Variants in LIMD1 observed in about 807,000 individuals in gnomAD.
LIMD1 encodes LIM domain-containing protein 1.
LIMD1 carries 23 observed loss-of-function variants against 58.4 expected under a neutral mutation model. That is an observed-to-expected ratio of 0.39 (90% confidence interval 0.28 to 0.56). LIMD1 has a LOEUF of 0.56. Ranked by LOEUF, LIMD1 falls within the 20% of genes least tolerant of loss-of-function variation. The pLI is 0.57. For missense variants in LIMD1, 838 were observed against 855.5 expected (o/e 0.98, Z 0.25); for synonymous variants, 334 against 345.5 (o/e 0.97, Z 0.37).
chr3:45,598,865 T>C (rs1701381905), intron 1 of LIMD1, among the ~76,000 whole-genome samples: 2 of 152,230 alleles, frequency 1.3e-5, no homozygotes, highest in South Asian at 4.1e-4. Context: ...AGGCCTGGTC[T>C]GTGCTGGGCA....
rs754052875 is a variant in LIMD1 at position 45,613,627 on chromosome 3, G to T, written c.1408+17340G>T. Among the ~76,000 whole-genome samples the T allele has an allele frequency of 7.4e-4, 110 of 148,900 alleles. 1 individual carries two copies. The highest frequency in any genetic ancestry group is 1.1e-3 in the Non-Finnish European group (71 of 67,294). On this transcript the variant is annotated intron_variant, in intron 1 of 7. Transcript: ENST00000273317. Reference sequence around the variant, plus strand: ...TGGCTATTATGAATAAGTCTGTTAGGATTGTTTTTGTGTAAGACTTTGGGT... The same window carrying T: ...TGGCTATTATGAATAAGTCTGTTAGTATTGTTTTTGTGTAAGACTTTGGGT...
intron 1 of LIMD1, among the ~76,000 whole-genome samples, chr3:45,610,257 C>T (rs1701510772): frequency 6.6e-6 from 1 of 152,198 alleles, no homozygotes; most frequent in South Asian, 2.1e-4. Flanking sequence ...TCCCTGACTT[C>T]CTCCTGAGTG....
intron 2 of LIMD1, among the ~76,000 whole-genome samples, chr3:45,644,787 C>T (rs1405768312): frequency 7.0e-6 from 1 of 143,118 alleles, no homozygotes; most frequent in African/African-American, 2.6e-5. Flanking sequence ...CTTGCCTTGA[C>T]TTTTCAGGTT....
chr3:45,664,361 C>G (rs1697483671), intron 2 of LIMD1, among the ~76,000 whole-genome samples: 2 of 152,192 alleles, frequency 1.3e-5, no homozygotes. Flanking sequence ...ATGGCTTACT[C>G]TTCCTTTTTT....
chr3:45,647,516 A>G (rs921577975), intron 2 of LIMD1, among the ~76,000 whole-genome samples: 5 of 152,300 alleles, frequency 3.3e-5, no homozygotes, highest in Admixed American at 2.6e-4. Context: ...GTTCAGGGGC[A>G]GGGTGACAGC....
chr3:45,601,297 T>C (rs1342739876), intron 1 of LIMD1, among the ~76,000 whole-genome samples: 1 of 152,200 alleles, frequency 6.6e-6, no homozygotes, highest in Non-Finnish European at 1.5e-5. Flanking sequence ...AGGGTCATCC[T>C]AGTTGGCCTG....
intron 3 of LIMD1, among the ~76,000 whole-genome samples, chr3:45,666,466 A>C (rs1697520221): frequency 6.6e-6 from 1 of 152,120 alleles, no homozygotes; most frequent in African/African-American, 2.4e-5. Flanking sequence ...CACACTCAGA[A>C]GCTCTCCGAG....
intron 2 of LIMD1, among the ~76,000 whole-genome samples, chr3:45,649,603 C>T (rs1274511658): frequency 3.3e-5 from 5 of 149,514 alleles, no homozygotes; most frequent in Admixed American, 6.7e-5. Flanking sequence ...ATGGCGTGAA[C>T]GCAGGAGGCA....
chr3:45,646,894 G>A (rs1260660442), intron 2 of LIMD1, among the ~76,000 whole-genome samples: 1 of 152,032 alleles, frequency 6.6e-6, no homozygotes, highest in Non-Finnish European at 1.5e-5. Flanking sequence ...TCAAACTCCT[G>A]GGTTCAAGTG....
chr3:45,602,828 T>G (rs1701429279), intron 1 of LIMD1, among the ~76,000 whole-genome samples: 1 of 151,968 alleles, frequency 6.6e-6, no homozygotes, highest in Admixed American at 6.6e-5. Context: ...GCTCCTCGTT[T>G]TCATGACTTT....
chr3:45,681,127 C>T lies in LIMD1; in HGVS notation c.*4068C>T, dbSNP rs112969725. On this transcript the variant is annotated 3_prime_UTR_variant, in exon 8 of 8. Transcript: ENST00000273317. ...TATAGTGTATGAAAATTTCATTGTACAGGGAAATTATTTTCCTCTGTGTCT... is the reference window on the plus strand; with the variant it reads ...TATAGTGTATGAAAATTTCATTGTATAGGGAAATTATTTTCCTCTGTGTCT... The T allele has an allele frequency of 9.9e-4, 151 of 152,074 alleles. 1 individual carries two copies. The highest frequency in any genetic ancestry group is 3.5e-3 in the African/African-American group (146 of 41,482). The allele number at this position is 152,074 out of a possible 1,614,324, so 9.4% of individuals were successfully genotyped here. A position where few individuals can be genotyped will look rare whatever the true frequency, so the allele number is the denominator to read the frequency against.
chr3:45,604,928 C>T (rs1314374085), intron 1 of LIMD1, among the ~76,000 whole-genome samples: 1 of 152,226 alleles, frequency 6.6e-6, no homozygotes, highest in African/African-American at 2.4e-5. Context: ...CAGTCCAGAA[C>T]ATGAAACGGT....
At chr3:45,616,148 G>A (rs190542282) in intron 1 of LIMD1, among the ~76,000 whole-genome samples, 7 of 152,014 alleles carry the variant, frequency 4.6e-5, no homozygotes, top group South Asian at 4.2e-4. Context: ...TTTATTTTTC[G>A]CAGGAATGGC....
chr3:45,670,074 C>T (rs1262161995), intron 4 of LIMD1, among the ~76,000 whole-genome samples: 2 of 152,156 alleles, frequency 1.3e-5, no homozygotes, highest in South Asian at 2.1e-4. Flanking sequence ...CCCTGGGAAA[C>T]GTGGCCCTTC....
At chr3:45,606,208 GA>G (rs1298725292) in intron 1 of LIMD1, among the ~76,000 whole-genome samples, 1 of 152,220 alleles carries the variant, frequency 6.6e-6, no homozygotes, top group Non-Finnish European at 1.5e-5. Context: ...GAGCTACACA[GA>G]AGTTAAGTGG....
At chr3:45,676,886 G>A (rs779109661) in intron 7 of LIMD1, 36 bp from the exon 8 acceptor site, 1 of 1,612,026 alleles carries the variant, frequency 6.2e-7, no homozygotes, top group Non-Finnish European at 8.5e-7. Context: ...AGTCTGTTTT[G>A]TTTTGCTTCC....
intron 7 of LIMD1, among the ~76,000 whole-genome samples, chr3:45,675,422 G>A (rs1204932684): frequency 6.6e-6 from 1 of 152,248 alleles, no homozygotes; most frequent in African/African-American, 2.4e-5. Context: ...CCAGCTACTC[G>A]GGAAGCTGAG....
chr3:45,602,976 G>A (rs976615195), intron 1 of LIMD1, among the ~76,000 whole-genome samples: 2 of 152,092 alleles, frequency 1.3e-5, no homozygotes, highest in East Asian at 1.9e-4. Context: ...GGATAGCTGG[G>A]ATTACAGGCG....
intron 1 of LIMD1, among the ~76,000 whole-genome samples, chr3:45,607,070 A>G (rs1701474622): frequency 6.6e-6 from 1 of 152,232 alleles, no homozygotes; most frequent in African/African-American, 2.4e-5. Context: ...CTGGGATTAC[A>G]GGTGTGAGCC....
Sources: gnomAD v4.1 joint callset for allele counts (sites outside exome capture counted in the v4.1 genomes callset) on GRCh38, gnomAD v4.1.1 for gene constraint, MANE v1.5 for transcripts, NCBI Gene and HGNC (gene_info 2026-07-23, HGNC 2026-07-21) for gene names.